Variants in BTF3L4 observed in about 807,000 individuals in gnomAD.
BTF3L4 encodes transcription factor BTF3 homolog 4.
Under a neutral mutation model 16.8 loss-of-function variants are expected in BTF3L4, and 6 were observed. The observed-to-expected ratio is 0.36, with a 90% CI of 0.20 to 0.71. BTF3L4 has a LOEUF of 0.71. BTF3L4 is among the 30% of genes least tolerant of loss of function. The pLI, the probability that BTF3L4 is intolerant of heterozygous loss-of-function variation, is 0.58. For synonymous variants in BTF3L4, 39 were observed against 59.8 expected (o/e 0.65, Z 1.60); for missense variants, 92 against 186.9 (o/e 0.49, Z 2.96).
At chr1:52,069,823 G>C (rs2998737) in intron 3 of BTF3L4, among the ~76,000 whole-genome samples, 139,211 of 152,164 alleles carry the variant, frequency 0.91, 64,695 homozygotes, top group Non-Finnish European at 1. Flanking sequence ...ATTTTCTACT[G>C]TCAGTACTGA....
At chr1:52,072,256 A>G (rs1479436334) in intron 3 of BTF3L4, among the ~76,000 whole-genome samples, 2 of 151,908 alleles carry the variant, frequency 1.3e-5, no homozygotes, top group Non-Finnish European at 2.9e-5. Context: ...GGGTTTCACC[A>G]TGTTAGCCAG....
At chr1:52,063,814 G>A (rs1365642617) in intron 2 of BTF3L4, among the ~76,000 whole-genome samples, 2 of 152,164 alleles carry the variant, frequency 1.3e-5, no homozygotes, top group African/African-American at 4.8e-5. Context: ...CATCAGCAAA[G>A]TCATGTGGTC....
intron 4 of BTF3L4, among the ~76,000 whole-genome samples, chr1:52,084,486 G>T (rs1436571173): frequency 6.6e-6 from 1 of 151,868 alleles, no homozygotes. Context: ...GCTAATTAAT[G>T]ACAATCAGAA....
intron 3 of BTF3L4, among the ~76,000 whole-genome samples, chr1:52,082,469 T>C (rs1484247406): frequency 1.3e-5 from 2 of 152,122 alleles, no homozygotes; most frequent in Non-Finnish European, 2.9e-5. Flanking sequence ...GTGTGGTGGC[T>C]CATGCCTGTA....
intron 3 of BTF3L4, among the ~76,000 whole-genome samples, chr1:52,066,506 C>G (rs1473381815): frequency 1.3e-5 from 2 of 148,228 alleles, no homozygotes; most frequent in African/African-American, 4.9e-5. Flanking sequence ...CCAGCCAGTT[C>G]CATCTGTGAT....
intron 3 of BTF3L4, among the ~76,000 whole-genome samples, chr1:52,078,329 C>G (rs1686984438): frequency 6.7e-6 from 1 of 150,106 alleles, no homozygotes; most frequent in Non-Finnish European, 1.5e-5. Flanking sequence ...TCCCTAAGTG[C>G]TGGGATTACA....
intron 3 of BTF3L4, among the ~76,000 whole-genome samples, chr1:52,082,928 C>A (rs1558010676): frequency 1.3e-5 from 2 of 151,990 alleles, no homozygotes; most frequent in Non-Finnish European, 2.9e-5. Flanking sequence ...TGTAACCAGT[C>A]CCCTAAGTAA....
At chr1:52,060,499 C>G (rs550669145) in intron 2 of BTF3L4, 1 of 1,265,764 alleles carries the variant, frequency 7.9e-7, no homozygotes, top group Admixed American at 2.3e-5. Flanking sequence ...ATTCCCTGTA[C>G]TTTTTAAAGC....
chr1:52,076,308 G>C (rs544703676), intron 3 of BTF3L4, among the ~76,000 whole-genome samples: 7 of 150,778 alleles, frequency 4.6e-5, no homozygotes, highest in African/African-American at 1.7e-4. Context: ...GGGCGCAGTG[G>C]CTCACACCTG....
intron 1 of BTF3L4, among the ~76,000 whole-genome samples, chr1:52,056,873 C>G (rs1461368489): frequency 6.6e-6 from 1 of 152,162 alleles, no homozygotes; most frequent in Non-Finnish European, 1.5e-5. Context: ...CGTCCCTTGC[C>G]CATCTTTATA....
intron 3 of BTF3L4, among the ~76,000 whole-genome samples, chr1:52,069,001 G>A (rs1182867166): frequency 6.6e-6 from 1 of 151,866 alleles, no homozygotes; most frequent in Admixed American, 6.6e-5. Context: ...TGTTAATATT[G>A]CCACTGCAAT....
intron 1 of BTF3L4, among the ~76,000 whole-genome samples, chr1:52,059,600 A>G (rs1428710023): frequency 6.6e-6 from 1 of 152,178 alleles, no homozygotes; most frequent in African/African-American, 2.4e-5. Flanking sequence ...ATCCCATTCT[A>G]CTTTCTGTTT....
chr1:52,072,799 A>G (rs1217310152), intron 3 of BTF3L4, among the ~76,000 whole-genome samples: 6 of 152,168 alleles, frequency 3.9e-5, no homozygotes, highest in African/African-American at 1.4e-4. Flanking sequence ...AGTGGTTCAC[A>G]CTTGTAATCC....
At chr1:52,070,211 T>A (rs1169820314) in intron 3 of BTF3L4, among the ~76,000 whole-genome samples, 1 of 26,138 alleles carries the variant, frequency 3.8e-5, no homozygotes, top group Non-Finnish European at 2.1e-4. Context: ...AGCAAGACTG[T>A]CTAAAAAAAA....
At position 52,089,074 on chromosome 1, in the gene BTF3L4, C is replaced by G. The variant is rs756495328; in HGVS notation, c.*2316C>G. On this transcript the variant is annotated 3_prime_UTR_variant, in exon 6 of 6. Transcript: ENST00000313334. ...TGCACCCAGCCCAAATGAGATGTTT[C>G]TAAATCTAAAGTTTCTTCTGCTTCT... The G allele has an allele frequency of 3.3e-5, 5 of 152,056 alleles. No homozygotes were observed. The highest frequency in any genetic ancestry group is 4.8e-5 in the African/African-American group (2 of 41,414). 9.4% of individuals were successfully genotyped at this position (152,056 alleles called of 1,614,324 possible).
intron 3 of BTF3L4, among the ~76,000 whole-genome samples, chr1:52,065,643 A>G (rs913504040): frequency 2.0e-5 from 3 of 152,112 alleles, no homozygotes; most frequent in African/African-American, 7.2e-5. Context: ...GCACCTGTAT[A>G]TTTTACAGAG....
intron 3 of BTF3L4, among the ~76,000 whole-genome samples, chr1:52,071,807 T>C (rs1176655532): frequency 6.6e-6 from 1 of 152,094 alleles, no homozygotes; most frequent in Non-Finnish European, 1.5e-5. Flanking sequence ...TGCCCATAGA[T>C]AGACAGCTCT....
intron 3 of BTF3L4, among the ~76,000 whole-genome samples, chr1:52,073,105 C>T (rs1267416254): frequency 6.6e-6 from 1 of 151,792 alleles, no homozygotes; most frequent in Non-Finnish European, 1.5e-5. Flanking sequence ...GCCTGTAATC[C>T]CAGCTACTCA....
chr1:52,060,739 A>G (rs2124413073), intron 2 of BTF3L4: 1 of 520,652 alleles, frequency 1.9e-6, no homozygotes, highest in Admixed American at 5.7e-5. Flanking sequence ...GGGGATGAGC[A>G]CAAGGGAAGG....
Sources: allele counts gnomAD v4.1 joint callset (sites outside exome capture counted in the v4.1 genomes callset), GRCh38; gene constraint gnomAD v4.1.1; transcripts MANE v1.5; gene names NCBI Gene and HGNC (gene_info 2026-07-23, HGNC 2026-07-21).